The following ANAPC7 variants were observed in gnomAD, a reference collection of about 807,000 sequenced individuals.
The protein encoded by ANAPC7 is anaphase promoting complex subunit 7, also known as anaphase-promoting complex subunit 7.
A neutral mutation model predicts 63.3 loss-of-function variants in ANAPC7; 25 were observed. That is an observed-to-expected ratio of 0.39 (90% confidence interval 0.29 to 0.55). The LOEUF is 0.55. Ranked by LOEUF, ANAPC7 falls within the 20% of genes least tolerant of loss-of-function variation. The pLI, the probability that ANAPC7 is intolerant of heterozygous loss-of-function variation, is 0.57. For missense variants in ANAPC7, 516 were observed against 691.7 expected (o/e 0.75, Z 2.85); for synonymous variants, 241 against 251.7 (o/e 0.96, Z 0.40).
intron 3 of ANAPC7, among the ~76,000 whole-genome samples, chr12:110,389,263 T>A (rs998324943): frequency 2.0e-5 from 3 of 152,124 alleles, no homozygotes; most frequent in African/African-American, 7.2e-5. Flanking sequence ...AGAACGCTAG[T>A]TAACTTGATT....
At chr12:110,377,365 A>C in intron 9 of ANAPC7, 28 bp downstream of exon 9, 11 of 1,592,674 alleles carry the variant, frequency 6.9e-6, no homozygotes, top group Non-Finnish European at 9.5e-6. Context: ...ATTAATGATG[A>C]ACAGGACAGA....
intron 9 of ANAPC7, 114 bp from the exon 10 acceptor site, chr12:110,376,330 G>A (rs773205851): frequency 6.8e-4 from 810 of 1,186,058 alleles, no homozygotes; most frequent in Non-Finnish European, 9.2e-4. Context: ...CACAAAGCGA[G>A]GGCAAGCACA....
chr12:110,374,646 G>C (rs557302941), intron 10 of ANAPC7, among the ~76,000 whole-genome samples: 1 of 152,252 alleles, frequency 6.6e-6, no homozygotes, highest in East Asian at 1.9e-4. Flanking sequence ...AAATGAAAAA[G>C]TGGCAAACAA....
At chr12:110,377,136 CAAAAAAAA>C (rs35149960) in intron 9 of ANAPC7, among the ~76,000 whole-genome samples, 3 of 46,438 alleles carry the variant, frequency 6.5e-5, no homozygotes, top group Admixed American at 2.5e-4. Flanking sequence ...GATGCCGTCT[CAAAAAAAA>C]AAAAAAAAAA....
intron 3 of ANAPC7, among the ~76,000 whole-genome samples, chr12:110,391,772 G>C (rs1211753705): frequency 6.6e-6 from 1 of 152,162 alleles, no homozygotes; most frequent in Non-Finnish European, 1.5e-5. Context: ...AATAAAGTAA[G>C]GAATAGTATC....
In ANAPC7 at chr12:110,373,884, C is replaced by G. The variant is rs1373934499; in HGVS notation, c.*260G>C. On this transcript the variant is annotated 3_prime_UTR_variant, in exon 11 of 11. Coordinates refer to ENST00000455511, the MANE Select transcript of ANAPC7 (RefSeq NM_016238.3). ...AAAAAGTACTCTTGGCCCAGAAGCCCCAACATGTGCGTGGGTCTCGGGGCA... is the reference window on the plus strand; with the variant it reads ...AAAAAGTACTCTTGGCCCAGAAGCCGCAACATGTGCGTGGGTCTCGGGGCA... The G allele has an allele frequency of 2.6e-6, 1 of 391,972 alleles. No homozygotes were observed. The highest frequency in any genetic ancestry group is 4.5e-6 in the Non-Finnish European group (1 of 222,824). The allele number at this position is 391,972 out of a possible 1,614,324, so 24.3% of individuals were successfully genotyped here.
rs112533160 is a variant in ANAPC7 at position 110,377,678 on chromosome 12, A to G, written c.1133-61T>C. 4.8e-4 allele frequency: 767 copies of G among 1,604,796 alleles called. 5 individuals are homozygous for G. In the African/African-American group the frequency reaches 8.9e-3, roughly 19 times the overall value. On this transcript the variant is annotated intron_variant, in intron 8 of 10. Transcript: ENST00000455511. ...CATTACCATTCCAACCCATGCTTCC[A>G]CTCTGACAGCTCTCCAAATTGCTAA...
At chr12:110,390,126 T>C (rs185591016) in intron 3 of ANAPC7, among the ~76,000 whole-genome samples, 47 of 152,054 alleles carry the variant, frequency 3.1e-4, no homozygotes, top group African/African-American at 1.0e-3. Context: ...TAGAGTGCGA[T>C]GGCACGATCT....
chr12:110,398,886 G>A (rs1340685230), intron 1 of ANAPC7, among the ~76,000 whole-genome samples: 6 of 151,760 alleles, frequency 4.0e-5, no homozygotes, highest in Non-Finnish European at 5.9e-5. Flanking sequence ...CAGAGGTTGC[G>A]GTGAGCCAAG....
intron 1 of ANAPC7, among the ~76,000 whole-genome samples, chr12:110,397,761 G>A (rs879478560): frequency 6.6e-6 from 1 of 151,804 alleles, no homozygotes; most frequent in Non-Finnish European, 1.5e-5. Context: ...CGGGTGTGGT[G>A]GCGCATGCCT....
chr12:110,395,711 T>A (rs1322971103), intron 2 of ANAPC7, among the ~76,000 whole-genome samples: 1 of 152,160 alleles, frequency 6.6e-6, no homozygotes, highest in East Asian at 1.9e-4. Flanking sequence ...GCTAATTTTT[T>A]GTATTTTTAG....
chr12:110,379,286 G>T (rs890348684), intron 8 of ANAPC7: 14 of 152,166 alleles, frequency 9.2e-5, no homozygotes, highest in African/African-American at 2.7e-4. Flanking sequence ...GAATGCACTT[G>T]CCTAACCTAA....
At chr12:110,401,248 G>A (rs2062223473) in intron 1 of ANAPC7, among the ~76,000 whole-genome samples, 1 of 152,156 alleles carries the variant, frequency 6.6e-6, no homozygotes, top group Non-Finnish European at 1.5e-5. Context: ...GCTCAGAATG[G>A]AGACTCTCCA....
intron 3 of ANAPC7, among the ~76,000 whole-genome samples, chr12:110,392,673 ATTC>A (rs1243316446): frequency 3.9e-5 from 6 of 152,222 alleles, no homozygotes; most frequent in Admixed American, 6.5e-5. Flanking sequence ...AAAAAATACT[ATTC>A]TTCTCATTTT....
chr12:110,374,181 T>C lies in ANAPC7; in HGVS notation c.1661A>G (p.Gln554Arg). The C allele has an allele frequency of 2.5e-6, 4 of 1,613,522 alleles. No individual in the cohort carries two copies. The highest frequency in any genetic ancestry group is 3.4e-6 in the Non-Finnish European group (4 of 1,180,018). ...GAACCACTGCTCCTGGTCAGCCCAC[T>C]GGGCCGCCTCACTGTCGCTGCCCTC... ...DLEGSDSEAA[Q>R]WADQEQWFGM... The change falls in exon 11 of 11, where the codon CAG becomes CGG. Residue 554 changes from glutamine to arginine, a missense_variant. By Grantham distance (43) the Gln-to-Arg change is conservative. Transcript: ENST00000455511.
chr12:110,396,072 T>C (rs901857988), intron 2 of ANAPC7, among the ~76,000 whole-genome samples, 194 bp downstream of exon 2: 4 of 152,130 alleles, frequency 2.6e-5, no homozygotes, highest in African/African-American at 9.7e-5. Flanking sequence ...TGTGTTCCTA[T>C]AAGAATCTAA....
Position 110,381,941 on chromosome 12 carries a change from T to A in ANAPC7, c.943A>T (p.Ser315Cys). The change falls in exon 8 of 11, where the codon AGC (serine) becomes TGC (cysteine). Residue 315 changes from serine to cysteine, a missense_variant. By Grantham distance (112) the Ser-to-Cys change is moderately radical. Around this residue, in one of 4 missense-constraint regions of ANAPC7, gnomAD observed 199 missense variants for 249.3 expected, o/e 0.80. Transcript: ENST00000455511. Reference sequence around the variant, plus strand: ...CGGGAGTAGCGTTTGCTATAGAAGCTGTGACAGCTGGAGAAAAAAAAAAAA... The same window carrying A: ...CGGGAGTAGCGTTTGCTATAGAAGCAGTGACAGCTGGAGAAAAAAAAAAAA... The part of the protein sequence containing the change: ...AEPWVVSGCH[S>C]FYSKRYSRAL... 7.6e-7 allele frequency: 1 copy of A among 1,312,480 alleles called. No homozygotes were observed. The highest frequency in any genetic ancestry group is 1.0e-6 in the Non-Finnish European group (1 of 976,764). The allele number at this position is 1,312,480 out of a possible 1,614,324, so 81.3% of individuals were successfully genotyped here. A position where few individuals can be genotyped will look rare whatever the true frequency, so the allele number is the denominator to read the frequency against.
chr12:110,383,623 C>T (rs1021606620), intron 6 of ANAPC7, among the ~76,000 whole-genome samples: 10 of 151,950 alleles, frequency 6.6e-5, no homozygotes, highest in Non-Finnish European at 1.3e-4. Context: ...TGGTTCATGC[C>T]TGTAAACCCA....
Position 110,381,878 on chromosome 12 carries a change from T to C in ANAPC7, c.1006A>G (p.Ser336Gly). Residue 336 changes from serine (S) to glycine (G), a missense_variant, in exon 8 of 11, where the codon AGT becomes GGT. By Grantham distance (56) the Ser-to-Gly change is moderately conservative. Transcript: ENST00000455511. ...YLGAKAIQLN[S>G]NSVQALLLKG... ...AGTAGCAGAGCTTGAACACTATTAC[T>C]GTTCAGCTGAATGGCCTTGGCTCCT... The C allele has an allele frequency of 6.2e-7, 1 of 1,611,644 alleles. No individual in the cohort carries two copies. Among genetic ancestry groups the C allele is most frequent in the Non-Finnish European group, 8.5e-7 (1 of 1,179,648 alleles).
Sources: allele counts gnomAD v4.1 joint callset (sites outside exome capture counted in the v4.1 genomes callset), GRCh38; gene constraint gnomAD v4.1.1; regional missense constraint gnomAD v4.1.1; transcripts MANE v1.5; gene names NCBI Gene and HGNC (gene_info 2026-07-23, HGNC 2026-07-21).